The following RSRC1 variants were observed in gnomAD, a reference collection of about 807,000 sequenced individuals.
RSRC1 encodes the protein serine/Arginine-related protein 53.
A neutral mutation model predicts 49.1 loss-of-function variants in RSRC1; 39 were observed. The ratio of observed to expected loss-of-function variants is 0.79; its 90% CI spans 0.61 to 1.04. RSRC1 has a LOEUF of 1.04. RSRC1 is among the 50% of genes least tolerant of loss of function. The probability of loss-of-function intolerance (pLI) is 0.00; values close to 1 mark genes in which losing one functional copy is unlikely to be tolerated. For synonymous variants in RSRC1, 143 were observed against 130.8 expected, an observed-to-expected ratio of 1.09 and a Z score of -0.63; for missense variants, 388 against 402.4, an observed-to-expected ratio of 0.96 and a Z score of 0.31.
At chr3:158,288,979 G>C (rs6788627) in intron 4 of RSRC1, among the ~76,000 whole-genome samples, 56 of 151,588 alleles carry the variant, frequency 3.7e-4, no homozygotes, top group African/African-American at 1.3e-3. Context: ...ATTTTTTCTT[G>C]CTTTTTTTCT....
chr3:158,120,712 T>G (rs1176412423), intron 1 of RSRC1, among the ~76,000 whole-genome samples: 3 of 147,956 alleles, frequency 2.0e-5, no homozygotes, highest in Non-Finnish European at 4.5e-5. Flanking sequence ...TATATTCCAT[T>G]AAAAGTCATG....
At chr3:158,355,785 CTT>C (rs1036598800) in intron 6 of RSRC1, among the ~76,000 whole-genome samples, 1 of 146,758 alleles carries the variant, frequency 6.8e-6, no homozygotes, top group East Asian at 1.9e-4. Flanking sequence ...ATAGTCCTCT[CTT>C]ATACATGGTG....
At chr3:158,124,302 C>T (rs940740992) in intron 3 of RSRC1, among the ~76,000 whole-genome samples, 1 of 151,974 alleles carries the variant, frequency 6.6e-6, no homozygotes, top group Non-Finnish European at 1.5e-5. Context: ...GTAGCACGTG[C>T]GTTCCCCAGA....
chr3:158,438,878 G>A (rs1736203038), intron 6 of RSRC1, among the ~76,000 whole-genome samples: 1 of 150,866 alleles, frequency 6.6e-6, no homozygotes, highest in African/African-American at 2.4e-5. Flanking sequence ...CGGAGTGACA[G>A]GCAACCTACA....
intron 4 of RSRC1, among the ~76,000 whole-genome samples, chr3:158,255,391 T>A (rs1724482259): frequency 6.6e-6 from 1 of 152,228 alleles, no homozygotes. Context: ...GTTGTGTTAT[T>A]TCTGAGGCCT....
At chr3:158,506,502 C>T (rs775093085) in intron 7 of RSRC1, among the ~76,000 whole-genome samples, 1 of 151,854 alleles carries the variant, frequency 6.6e-6, no homozygotes, top group East Asian at 1.9e-4. Flanking sequence ...AAAGGAAAAA[C>T]AAGCAAAACA....
At position 158,203,177 on chromosome 3, in the gene RSRC1, A is replaced by G. The variant is rs1559941559; in HGVS notation, c.426A>G (p.Arg142=). 3 of 1,613,208 alleles carry G rather than the reference A, an allele frequency of 1.9e-6. No individual in the cohort carries two copies. The highest frequency in any genetic ancestry group is 2.5e-6 in the Non-Finnish European group (3 of 1,179,520). The change falls in exon 4 of 10, where the codon AGA becomes AGG. Residue 142 remains arginine (R), a synonymous_variant. Transcript: ENST00000611884. ...GGGATAGAGAACGACGTAAGGGCAGAGATAAAGAGAAAAGAGAAAAGGAGA... is the reference window on the plus strand; with the variant it reads ...GGGATAGAGAACGACGTAAGGGCAGGGATAAAGAGAAAAGAGAAAAGGAGA... ...RSRDRERRKG[R]DKEKREKEKD...
chr3:158,146,188 G>C (rs1266936934), intron 3 of RSRC1, among the ~76,000 whole-genome samples: 1 of 152,072 alleles, frequency 6.6e-6, no homozygotes, highest in African/African-American at 2.4e-5. Context: ...GGTGAGAGAG[G>C]GCCTCCCTGT....
At chr3:158,493,253 A>G (rs1739162174) in intron 7 of RSRC1, among the ~76,000 whole-genome samples, 1 of 152,192 alleles carries the variant, frequency 6.6e-6, no homozygotes, top group African/African-American at 2.4e-5. Flanking sequence ...AGTAGCTTGC[A>G]TTGGAGGCAC....
At chr3:158,305,583 G>T (rs549674488) in intron 5 of RSRC1, among the ~76,000 whole-genome samples, 1 of 152,160 alleles carries the variant, frequency 6.6e-6, no homozygotes, top group East Asian at 1.9e-4. Context: ...GCTTTCTTGG[G>T]ATCTAACTTA....
At chr3:158,246,084 A>T (rs1723869368) in intron 4 of RSRC1, among the ~76,000 whole-genome samples, 1 of 152,092 alleles carries the variant, frequency 6.6e-6, no homozygotes, top group Non-Finnish European at 1.5e-5. Flanking sequence ...TGATGAGTTC[A>T]TGTCCTTTGT....
At chr3:158,493,987 G>T (rs777963938) in intron 7 of RSRC1, among the ~76,000 whole-genome samples, 1 of 152,112 alleles carries the variant, frequency 6.6e-6, no homozygotes, top group Non-Finnish European at 1.5e-5. Context: ...AAACATACCT[G>T]AGATAGATTA....
rs1274657936 is a variant in RSRC1, at chr3:158,532,441, G to C, written c.653-4651G>C. Among the ~76,000 whole-genome samples the C allele has an allele frequency of 2.6e-5, 4 of 151,818 alleles. No homozygotes were observed. In the East Asian group the frequency reaches 7.7e-4, roughly 29 times the overall value. ...TGGACCTTGTCATCTTTATTTACTA[G>C]TTTTAAAATTTGTATAACATTTGGT... is the stretch of plus-strand genomic sequence containing the variant. On this transcript the variant is annotated intron_variant, in intron 7 of 9. Coordinates refer to ENST00000611884, the MANE Select transcript of RSRC1 (RefSeq NM_001271838.2).
At chr3:158,347,025 C>T (rs1560003996) in intron 5 of RSRC1, among the ~76,000 whole-genome samples, 2 of 152,124 alleles carry the variant, frequency 1.3e-5, no homozygotes, top group Admixed American at 1.3e-4. Flanking sequence ...TAAATATATA[C>T]ACTTTATTGT....
rs1559932779 is a variant in RSRC1 at position 158,182,697 on chromosome 3, G to A, written c.321-20375G>A. On this transcript the variant is annotated intron_variant, in intron 3 of 9. Transcript: ENST00000611884. ...CCCAGACTGAGTGCTCTGTGTTTAC[G>A]GAAAGAAGGAAAGAATGGTTCAAAT... is the stretch of plus-strand genomic sequence containing the variant. Among the ~76,000 whole-genome samples, 3 of 152,044 alleles carry A rather than the reference G, an allele frequency of 2.0e-5. No homozygotes were observed. The South Asian group carries it at 6.2e-4, about 32-fold the overall frequency.
chr3:158,373,322 A>G (rs1732180642), intron 6 of RSRC1, among the ~76,000 whole-genome samples: 1 of 151,940 alleles, frequency 6.6e-6, no homozygotes, highest in African/African-American at 2.4e-5. Flanking sequence ...TAATGAGAAA[A>G]CATTCAGTCT....
chr3:158,291,758 T>C (rs545631838), intron 4 of RSRC1, among the ~76,000 whole-genome samples: 1 of 152,332 alleles, frequency 6.6e-6, no homozygotes, highest in East Asian at 1.9e-4. Context: ...TCCTCTAGAC[T>C]ACTAAAAAAC....
At chr3:158,438,057 T>C (rs1736149062) in intron 6 of RSRC1, among the ~76,000 whole-genome samples, 1 of 152,050 alleles carries the variant, frequency 6.6e-6, no homozygotes, top group Non-Finnish European at 1.5e-5. Flanking sequence ...ATGAGTGAAC[T>C]CCCATTCACA....
At chr3:158,289,744 A>G (rs1376837992) in intron 4 of RSRC1, among the ~76,000 whole-genome samples, 1 of 152,250 alleles carries the variant, frequency 6.6e-6, no homozygotes, top group Non-Finnish European at 1.5e-5. Flanking sequence ...TTTGTAGATC[A>G]GAGTACTGAC....
Sources: gnomAD v4.1 joint callset for allele counts (sites outside exome capture counted in the v4.1 genomes callset) on GRCh38, gnomAD v4.1.1 for gene constraint, MANE v1.5 for transcripts, NCBI Gene and HGNC (gene_info 2026-07-23, HGNC 2026-07-21) for gene names.